The following CPOX variants were observed in gnomAD, a reference collection of about 807,000 sequenced individuals.
CPOX encodes the protein oxygen-dependent coproporphyrinogen-III oxidase, mitochondrial.
A neutral mutation model predicts 48.9 loss-of-function variants in CPOX; 24 were observed. The ratio of observed to expected loss-of-function variants is 0.49; its 90% confidence interval spans 0.36 to 0.69. The LOEUF (loss-of-function observed/expected upper bound fraction) is 0.69. CPOX is among the 30% of genes least tolerant of loss of function. The probability of loss-of-function intolerance (pLI) is 0.00; values close to 1 mark genes in which losing one functional copy is unlikely to be tolerated. For synonymous variants in CPOX, 249 were observed against 234.6 expected, an observed-to-expected ratio of 1.06 and a Z score of -0.56; for missense variants, 549 against 597.3, an observed-to-expected ratio of 0.92 and a Z score of 0.84.
At chr3:98,586,991 C>T (rs1198247079) in intron 4 of CPOX, among the ~76,000 whole-genome samples, 1 of 152,104 alleles carries the variant, frequency 6.6e-6, no homozygotes. Context: ...GAAGCCATTT[C>T]CTAACTGTTA....
intron 4 of CPOX, chr3:98,585,868 T>C (rs1158965203): frequency 3.5e-6 from 2 of 569,014 alleles, no homozygotes; most frequent in Non-Finnish European, 6.3e-6. Flanking sequence ...ATCCTCTTTT[T>C]CTTTTCTTTT....
chr3:98,580,439 C>T lies in CPOX; in HGVS notation c.*244G>A, dbSNP rs1360740253. The T allele has an allele frequency of 3.8e-6, 5 of 1,325,408 alleles. No homozygotes were observed. Among genetic ancestry groups the T allele is most frequent in the African/African-American group, 3.0e-5 (2 of 67,392 alleles). 82.1% of individuals were successfully genotyped at this position (1,325,408 alleles called of 1,614,324 possible). A position where few individuals can be genotyped will look rare whatever the true frequency, so the allele number is the denominator to read the frequency against. On this transcript the variant is annotated 3_prime_UTR_variant, in exon 7 of 7. Transcript: ENST00000647941. ...GAAACTCAATGTCCTATTTTGTAAACTAGTCATATAAAATGACACTAGAAG... is the reference window on the plus strand; with the variant it reads ...GAAACTCAATGTCCTATTTTGTAAATTAGTCATATAAAATGACACTAGAAG...
rs1576304722 is a variant in CPOX, at chr3:98,590,908, C to A, written c.700+104G>T. On this transcript the variant is annotated intron_variant, in intron 2 of 6. Transcript: ENST00000647941. ...ATTTGTCAACGTGCGGCATATGAACCCGAATGGCTTTTTTCAGAAGCAATA... is the reference window on the plus strand; with the variant it reads ...ATTTGTCAACGTGCGGCATATGAACACGAATGGCTTTTTTCAGAAGCAATA... 9.8e-6 allele frequency: 14 copies of A among 1,429,710 alleles called. No individual in the cohort carries two copies. The East Asian group carries it at 2.8e-4, about 28-fold the overall frequency. 88.6% of individuals were successfully genotyped at this position (1,429,710 alleles called of 1,614,324 possible). A position where few individuals can be genotyped will look rare whatever the true frequency, so the allele number is the denominator to read the frequency against.
intron 4 of CPOX, among the ~76,000 whole-genome samples, chr3:98,587,166 C>T (rs910088360): frequency 1.3e-5 from 2 of 152,128 alleles, no homozygotes; most frequent in Admixed American, 1.3e-4. Flanking sequence ...ACAACAGATG[C>T]AAATCCCTAG....
chr3:98,588,788 G>A lies in CPOX; in HGVS notation c.878C>T (p.Ala293Val), dbSNP rs140475004. 92 of 1,614,152 alleles carry A rather than the reference G, an allele frequency of 5.7e-5. No homozygotes were observed. The African/African-American group carries it at 7.7e-4, about 14-fold the overall frequency. Residue 293 changes from alanine to valine, a missense_variant, in exon 4 of 7, where the codon GCT becomes GTT. Coordinates refer to ENST00000647941, the MANE Select transcript of CPOX (RefSeq NM_000097.7). ...LTPTYLNQED[A>V]VHFHRTLKEA... Reference sequence around the variant, plus strand: ...CTTCAGAGTTCTGTGAAAATGGACAGCGTCTTCTTGATTCAAGTATGTTGG... The same window carrying A: ...CTTCAGAGTTCTGTGAAAATGGACAACGTCTTCTTGATTCAAGTATGTTGG...
At chr3:98,578,936 A>T (rs1419805766), downstream of CPOX, among the ~76,000 whole-genome samples, 2 of 152,230 alleles carry the variant, frequency 1.3e-5, no homozygotes, top group African/African-American at 4.8e-5. Flanking sequence ...ATACCTAGGA[A>T]TGAGGAACTA....
chr3:98,590,567 CTCTTA>C (rs894321756), intron 3 of CPOX, 60 bp downstream of exon 3: 1 of 1,126,910 alleles, frequency 8.9e-7, no homozygotes, highest in African/African-American at 1.5e-5. Flanking sequence ...ATGTTATGCC[CTCTTA>C]TCTGTTTTAA....
At chr3:98,591,226 A>G in intron 1 of CPOX, 71 bp from the exon 2 acceptor site, 1 of 1,542,258 alleles carries the variant, frequency 6.5e-7, no homozygotes, top group Non-Finnish European at 9.0e-7. Context: ...ACTTGCATGA[A>G]GATGGTTATT....
the CPOX span, among the ~76,000 whole-genome samples, chr3:98,572,515 A>G: frequency 6.6e-6 from 1 of 151,938 alleles, no homozygotes; most frequent in Non-Finnish European, 1.5e-5. Flanking sequence ...TTTTTTATTG[A>G]TTGATAGGAT....
chr3:98,592,418 G>C (rs1040362014), intron 1 of CPOX, among the ~76,000 whole-genome samples: 1 of 152,132 alleles, frequency 6.6e-6, no homozygotes, highest in Non-Finnish European at 1.5e-5. Context: ...CGTGCATTTG[G>C]TAGTGCTACT....
At chr3:98,572,639 T>C in the CPOX span, among the ~76,000 whole-genome samples, 37 of 152,358 alleles carry the variant, frequency 2.4e-4, no homozygotes, top group Middle Eastern at 3.4e-3. Flanking sequence ...ACCTTTACTA[T>C]ACTGTATTTA....
rs746798334 is a variant in CPOX, at chr3:98,591,051, G to A, written c.661C>T (p.Gln221Ter). Residue 221 changes from glutamine to a stop codon, truncating the protein, a stop_gained, in exon 2 of 7, where the codon CAA (glutamine) becomes TAA (stop). Coordinates refer to ENST00000647941, the MANE Select transcript of CPOX (RefSeq NM_000097.7). LOFTEE classifies it high-confidence loss of function. Reference sequence around the variant, plus strand: ...AGAACTTTTCCTCTGCTTCTCATTTGTTTTGCAGCTTCCTCTGAAAGATTT... The same window carrying A: ...AGAACTTTTCCTCTGCTTCTCATTTATTTTGCAGCTTCCTCTGAAAGATTT... ...HGNLSEEAAK[Q>*]MRSRGKVLKT... The A allele has an allele frequency of 6.2e-7, 1 of 1,614,050 alleles. No homozygotes were observed. Among genetic ancestry groups the A allele is most frequent in the Admixed American group, 1.7e-5 (1 of 60,010 alleles).
rs181209381 is a variant in CPOX, at chr3:98,586,450, C to T, written c.954-791G>A. ...GTACTATAAACAATCTCTCAGGTCT[C>T]TTTCAGAAATAAAATTTGATGGTTC... On this transcript the variant is annotated intron_variant, in intron 4 of 6. Transcript: ENST00000647941. 2.6e-5 allele frequency among the ~76,000 whole-genome samples: 4 copies of T among 152,144 alleles called. No homozygotes were observed. In the East Asian group the frequency reaches 5.8e-4, roughly 22 times the overall value.
downstream of CPOX, among the ~76,000 whole-genome samples, chr3:98,578,543 C>T (rs1285257792): frequency 6.6e-6 from 1 of 152,158 alleles, no homozygotes; most frequent in Non-Finnish European, 1.5e-5. Context: ...GTAACCATCA[C>T]AATCAAGATG....
At chr3:98,592,904 C>T in intron 1 of CPOX, 45 bp downstream of exon 1, 1 of 1,576,202 alleles carries the variant, frequency 6.3e-7, no homozygotes, top group Non-Finnish European at 8.6e-7. Context: ...GGAACCTGAC[C>T]CTTTTTCCCT....
intron 4 of CPOX, among the ~76,000 whole-genome samples, chr3:98,586,265 G>A (rs1435359383): frequency 6.6e-6 from 1 of 152,212 alleles, no homozygotes; most frequent in Admixed American, 6.5e-5. Context: ...AAGAGAAACA[G>A]TCCAATATCG....
chr3:98,572,991 CT>C, the CPOX span, among the ~76,000 whole-genome samples: 1 of 152,064 alleles, frequency 6.6e-6, no homozygotes, highest in East Asian at 1.9e-4. Flanking sequence ...ACAAACAGAG[CT>C]TTTGAAATGA....
Position 98,593,575 on chromosome 3 carries a change from C to T in CPOX, c.-71G>A, listed in dbSNP as rs941301164. 2.2e-5 allele frequency: 31 copies of T among 1,440,720 alleles called. No homozygotes were observed. Among genetic ancestry groups the T allele is most frequent in the Non-Finnish European group, 2.8e-5 (30 of 1,081,526 alleles). The allele number at this position is 1,440,720 out of a possible 1,614,324, so 89.2% of individuals were successfully genotyped here. ...GCGTTTGAGCCCCCCACCCAGACCC[C>T]CGGAGTATTGAGCCGGCGAGCTGCA... On this transcript the variant is annotated 5_prime_UTR_variant, in exon 1 of 7. Coordinates refer to ENST00000647941, the MANE Select transcript of CPOX (RefSeq NM_000097.7).
chr3:98,574,604 CAG>C (rs749571422), downstream of CPOX, among the ~76,000 whole-genome samples: 33 of 152,282 alleles, frequency 2.2e-4, no homozygotes, highest in Middle Eastern at 3.4e-3. Flanking sequence ...TTTTTTGAGA[CAG>C]AGTTTCGCGC....
Sources: gnomAD v4.1 joint callset for allele counts (sites outside exome capture counted in the v4.1 genomes callset) on GRCh38, gnomAD v4.1.1 for gene constraint, MANE v1.5 for transcripts, NCBI Gene and HGNC (gene_info 2026-07-23, HGNC 2026-07-21) for gene names.